The following LPP variants were observed in gnomAD, a reference collection of about 807,000 sequenced individuals.
LPP encodes the protein lipoma-preferred partner.
A neutral mutation model predicts 60.4 loss-of-function variants in LPP; 38 were observed. That is an observed-to-expected ratio of 0.63 (90% CI 0.49 to 0.83). The LOEUF is 0.83. Ranked by LOEUF, LPP falls within the 40% of genes least tolerant of loss-of-function variation. The probability of loss-of-function intolerance (pLI) is 0.00; values close to 1 mark genes in which losing one functional copy is unlikely to be tolerated. For synonymous variants in LPP, 328 were observed against 290.8 expected, an observed-to-expected ratio of 1.13 and a Z score of -1.30; for missense variants, 902 against 783.6, an observed-to-expected ratio of 1.15 and a Z score of -1.80.
At chr3:188,625,610 A>G (rs1260025210) in intron 7 of LPP, among the ~76,000 whole-genome samples, 1 of 152,186 alleles carries the variant, frequency 6.6e-6, no homozygotes, top group Admixed American at 6.5e-5. Flanking sequence ...ATACAGAATC[A>G]ACAATATGAA....
At chr3:188,818,038 C>G (rs956873165) in intron 9 of LPP, among the ~76,000 whole-genome samples, 1 of 152,170 alleles carries the variant, frequency 6.6e-6, no homozygotes, top group Non-Finnish European at 1.5e-5. Flanking sequence ...TAGTGAGGTC[C>G]TGTAGGTCTA....
chr3:188,309,027 T>C (rs868563059), intron 2 of LPP, among the ~76,000 whole-genome samples: 3 of 146,882 alleles, frequency 2.0e-5, no homozygotes, highest in African/African-American at 5.0e-5. Flanking sequence ...TTCTTCTTTT[T>C]TTTTTTTTTT....
rs796131720 is a variant in LPP, at chr3:188,840,605, C to G, written c.1411-25595C>G. ...CCTTAACATCCTGGGCTCAAGTGAT[C>G]CTTCCACCTCAGCCTCTCAAGTAAC... On this transcript the variant is annotated intron_variant, in intron 9 of 11. Transcript: ENST00000617246. 5.3e-5 allele frequency among the ~76,000 whole-genome samples: 8 copies of G among 152,256 alleles called. No homozygotes were observed. The South Asian group carries it at 1.5e-3, about 28-fold the overall frequency.
intron 1 of LPP, among the ~76,000 whole-genome samples, chr3:188,203,456 T>A (rs1432203238): frequency 3.3e-5 from 3 of 91,504 alleles, no homozygotes; most frequent in South Asian, 3.3e-4. Context: ...TAAATATATA[T>A]AAATATATAT....
intron 8 of LPP, chr3:188,746,701 A>G (rs1726333935): frequency 1.1e-5 from 4 of 348,168 alleles, no homozygotes; most frequent in Admixed American, 3.9e-5. Context: ...TTAGTAAGGG[A>G]AAGCTCTTGA....
chr3:188,840,702 G>A (rs1400498893), intron 9 of LPP, among the ~76,000 whole-genome samples: 2 of 152,140 alleles, frequency 1.3e-5, no homozygotes, highest in African/African-American at 4.8e-5. Context: ...ATCTCATTAT[G>A]TTGCCCAGCC....
At chr3:188,203,399 T>C (rs866040871) in intron 1 of LPP, among the ~76,000 whole-genome samples, 825 of 69,468 alleles carry the variant, frequency 0.012, 8 homozygotes, top group Non-Finnish European at 0.019. Flanking sequence ...TATTAATATA[T>C]ATTTTTATAA....
chr3:188,592,362 A>G (rs144169653), intron 6 of LPP, among the ~76,000 whole-genome samples: 14 of 151,908 alleles, frequency 9.2e-5, no homozygotes, highest in Non-Finnish European at 1.9e-4. Context: ...AGTCACACAC[A>G]CACACATACA....
intron 1 of LPP, among the ~76,000 whole-genome samples, chr3:188,186,984 T>C (rs1044172830): frequency 6.6e-6 from 1 of 152,212 alleles, no homozygotes; most frequent in Admixed American, 6.5e-5. Context: ...AGTCTTTTGC[T>C]ATATGAACTT....
intron 6 of LPP, among the ~76,000 whole-genome samples, chr3:188,526,854 C>T (rs35551130): frequency 0.38 from 57,318 of 152,030 alleles, 12,983 homozygotes; most frequent in East Asian, 0.92. Flanking sequence ...AATAGGACTC[C>T]GTTGTAATCT....
intron 9 of LPP, among the ~76,000 whole-genome samples, chr3:188,769,115 T>C (rs1258373075): frequency 6.6e-6 from 1 of 152,114 alleles, no homozygotes; most frequent in Admixed American, 6.5e-5. Context: ...ATATAAAATA[T>C]CTAGGTAAAA....
At chr3:188,525,082 T>C (rs1263542135) in intron 6 of LPP, among the ~76,000 whole-genome samples, 1 of 151,268 alleles carries the variant, frequency 6.6e-6, no homozygotes, top group Non-Finnish European at 1.5e-5. Context: ...TTCTCCTGCA[T>C]CAGCCTCCTG....
At chr3:188,250,720 TTC>T (rs1223629941) in intron 2 of LPP, among the ~76,000 whole-genome samples, 13 of 142,350 alleles carry the variant, frequency 9.1e-5, no homozygotes, top group East Asian at 4.3e-4. Flanking sequence ...TTTTCTTTCT[TTC>T]TCTCTTTCTT....
At chr3:188,411,340 G>A (rs995092653) in intron 4 of LPP, among the ~76,000 whole-genome samples, 4 of 152,108 alleles carry the variant, frequency 2.6e-5, no homozygotes, top group African/African-American at 9.7e-5. Flanking sequence ...CAACTGCTAT[G>A]AAAAACAATA....
chr3:188,317,985 G>C (rs1356778359), intron 2 of LPP, among the ~76,000 whole-genome samples: 3 of 152,174 alleles, frequency 2.0e-5, no homozygotes, highest in African/African-American at 7.2e-5. Context: ...TGTGTATCTG[G>C]AGTGTGGGAG....
chr3:188,268,610 C>T (rs773429454), intron 2 of LPP, among the ~76,000 whole-genome samples: 9 of 152,214 alleles, frequency 5.9e-5, no homozygotes, highest in Non-Finnish European at 1.2e-4. Context: ...ATCCTGTTTA[C>T]ACATCCTGTT....
Position 188,636,210 on chromosome 3 carries a change from G to A in LPP, c.1113+26366G>A, listed in dbSNP as rs1161240704. Among the ~76,000 whole-genome samples, 20 of 152,330 alleles carry A rather than the reference G, an allele frequency of 1.3e-4. No individual in the cohort carries two copies. The East Asian group carries it at 1.7e-3, about 13-fold the overall frequency. On this transcript the variant is annotated intron_variant, in intron 7 of 11. Transcript: ENST00000617246. ...GTCAGTGGGTGCGCGCACCGTGTGC[G>A]AGCCGAAGCAGGGCGAGGCATTGCC...
intron 7 of LPP, among the ~76,000 whole-genome samples, chr3:188,655,435 G>A (rs1222654766): frequency 6.6e-6 from 1 of 152,192 alleles, no homozygotes; most frequent in East Asian, 1.9e-4. Flanking sequence ...AAAGGATTAA[G>A]AGAAAATTGG....
chr3:188,174,954 T>G (rs556113077), intron 1 of LPP, among the ~76,000 whole-genome samples: 4 of 152,310 alleles, frequency 2.6e-5, no homozygotes, highest in Admixed American at 2.6e-4. Context: ...TCGTCTTATT[T>G]TGGGCTTTTA....
Sources: gnomAD v4.1 joint callset for allele counts (sites outside exome capture counted in the v4.1 genomes callset) on GRCh38, gnomAD v4.1.1 for gene constraint, MANE v1.5 for transcripts, NCBI Gene and HGNC (gene_info 2026-07-23, HGNC 2026-07-21) for gene names.